Variants in NDUFA10 observed in about 807,000 individuals in gnomAD.
The protein encoded by NDUFA10 is NADH:ubiquinone oxidoreductase subunit A10.
A neutral mutation model predicts 47.8 loss-of-function variants in NDUFA10; 40 were observed. The observed-to-expected ratio is 0.84, with a 90% CI of 0.65 to 1.09. The LOEUF (loss-of-function observed/expected upper bound fraction) is 1.09. Among genes scored for constraint, NDUFA10 ranks in the 50% least tolerant of loss-of-function variants. NDUFA10 has a pLI of 0.00. For synonymous variants in NDUFA10, 183 were observed against 172.2 expected, an observed-to-expected ratio of 1.06 and a Z score of -0.49; for missense variants, 413 against 451.1, an observed-to-expected ratio of 0.92 and a Z score of 0.76.
chr2:240,000,566 C>G (rs1187859670), intron 8 of NDUFA10, among the ~76,000 whole-genome samples: 2 of 152,048 alleles, frequency 1.3e-5, no homozygotes, highest in African/African-American at 4.8e-5. Flanking sequence ...TTTAGTGTAG[C>G]CTAATTGTAC....
chr2:240,005,141 C>A, intron 8 of NDUFA10, 69 bp downstream of exon 8: 1 of 1,358,272 alleles, frequency 7.4e-7, no homozygotes, highest in Non-Finnish European at 1.1e-6. Flanking sequence ...TTATTTCAAA[C>A]TTCCCTAAGT....
Position 239,919,046 on chromosome 2 carries a change from G to T in NDUFA10, c.295-23732C>A, listed in dbSNP as rs78244357. Among the ~76,000 whole-genome samples, 953 of 152,336 alleles carry T rather than the reference G, an allele frequency of 6.3e-3. 18 individuals carry two copies. Among genetic ancestry groups the T allele is most frequent in the African/African-American group, 0.021 (891 of 41,566 alleles). On this transcript the variant is annotated intron_variant, in intron 4 of 5. Transcript: ENST00000419408. ...ACAAGATCTGAAGACAGCAGGGATG[G>T]GAGGTGGCACTTGTCTCTCCAGGTC...
chr2:239,893,677 ACCT>A (rs540683425), intron 5 of NDUFA10, among the ~76,000 whole-genome samples: 195 of 152,198 alleles, frequency 1.3e-3, no homozygotes, highest in Non-Finnish European at 1.9e-3. Context: ...GGACCTGATC[ACCT>A]CCTAAAGGCC....
chr2:239,985,529 G>T (rs1462084822), intron 9 of NDUFA10, among the ~76,000 whole-genome samples: 1 of 151,612 alleles, frequency 6.6e-6, no homozygotes, highest in East Asian at 1.9e-4. Flanking sequence ...GAAGAATATG[G>T]TGCATGGTGA....
chr2:239,971,075 C>T (rs1459895139), intron 9 of NDUFA10, among the ~76,000 whole-genome samples: 1 of 152,226 alleles, frequency 6.6e-6, no homozygotes, highest in Non-Finnish European at 1.5e-5. Context: ...CCTACTACTG[C>T]TCTAGGCAGT....
At chr2:239,980,819 A>G (rs1695743905) in intron 9 of NDUFA10, among the ~76,000 whole-genome samples, 1 of 152,204 alleles carries the variant, frequency 6.6e-6, no homozygotes, top group Admixed American at 6.5e-5. Flanking sequence ...AGAGAGCCAC[A>G]AGACACGGCC....
intron 9 of NDUFA10, among the ~76,000 whole-genome samples, chr2:239,964,671 G>A (rs56780904): frequency 0.12 from 17,980 of 152,220 alleles, 1,244 homozygotes; most frequent in South Asian, 0.15. Flanking sequence ...CCAGAGAGCT[G>A]TGAAAGCAGC....
At position 240,016,092 on chromosome 2, in the gene NDUFA10, C is replaced by T. The variant is rs188354546; in HGVS notation, c.548-1232G>A. On this transcript the variant is annotated intron_variant, in intron 4 of 9. Coordinates refer to ENST00000252711, the MANE Select transcript of NDUFA10 (RefSeq NM_004544.4). The surrounding 1 kb of genome is among the most constrained non-coding windows in gnomAD (Gnocchi z 4.4). ...AAAAAAAAAAGTTCCAGTGAGCATT[C>T]CTAGTAACCTCACTCTAGAGGCAAC... is the stretch of plus-strand genomic sequence containing the variant. Among the ~76,000 whole-genome samples, 6 of 152,288 alleles carry T rather than the reference C, an allele frequency of 3.9e-5. No homozygotes were observed. In the East Asian group the frequency reaches 1.2e-3, roughly 29 times the overall value.
At chr2:240,001,712 C>T (rs1327904520) in intron 8 of NDUFA10, among the ~76,000 whole-genome samples, 1 of 152,240 alleles carries the variant, frequency 6.6e-6, no homozygotes, top group Non-Finnish European at 1.5e-5. Context: ...TAAAATTACT[C>T]GGAATAAACC....
chr2:239,901,136 C>A (rs1052352389), intron 4 of NDUFA10, among the ~76,000 whole-genome samples: 4 of 152,158 alleles, frequency 2.6e-5, no homozygotes, highest in African/African-American at 4.8e-5. Context: ...CAAACTGAAG[C>A]CAACACTCTT....
At chr2:239,954,785 G>A (rs780064096), downstream of NDUFA10, among the ~76,000 whole-genome samples, 83 of 146,924 alleles carry the variant, frequency 5.6e-4, no homozygotes, top group Non-Finnish European at 9.2e-4. Context: ...GATAGAGCCC[G>A]ACCAATACCA....
At chr2:239,979,776 C>T (rs1210639668) in intron 9 of NDUFA10, among the ~76,000 whole-genome samples, 4 of 152,140 alleles carry the variant, frequency 2.6e-5, no homozygotes, top group South Asian at 2.1e-4. Flanking sequence ...GGCGCACCAA[C>T]GCCACCACCT....
chr2:239,966,612 G>T (rs1228107724), intron 9 of NDUFA10, among the ~76,000 whole-genome samples: 1 of 152,124 alleles, frequency 6.6e-6, no homozygotes, highest in African/African-American at 2.4e-5. Flanking sequence ...AAATATCTGT[G>T]TGCAAATCTG....
chr2:239,918,923 C>G (rs1382830504), intron 4 of NDUFA10, among the ~76,000 whole-genome samples: 1 of 152,346 alleles, frequency 6.6e-6, no homozygotes, highest in East Asian at 1.9e-4. Flanking sequence ...TCCTGCTCGT[C>G]CAGTGTCCAT....
At chr2:239,918,921 G>C (rs149205485) in intron 4 of NDUFA10, among the ~76,000 whole-genome samples, 14 of 152,268 alleles carry the variant, frequency 9.2e-5, no homozygotes, top group African/African-American at 3.1e-4. Context: ...CCTCCTGCTC[G>C]TCCAGTGTCC....
At chr2:240,023,759 A>G (rs772051881) in intron 1 of NDUFA10, among the ~76,000 whole-genome samples, 1 of 152,266 alleles carries the variant, frequency 6.6e-6, no homozygotes, top group Non-Finnish European at 1.5e-5. Flanking sequence ...TCTTGATTTG[A>G]TAACTGAAGA....
intron 4 of NDUFA10, among the ~76,000 whole-genome samples, chr2:239,923,114 A>G (rs1694015629): frequency 6.6e-6 from 1 of 152,260 alleles, no homozygotes; most frequent in Non-Finnish European, 1.5e-5. Context: ...TCAATATGCA[A>G]GAAGACACAG....
intron 9 of NDUFA10, among the ~76,000 whole-genome samples, chr2:239,961,798 G>A (rs1694862744): frequency 1.3e-5 from 2 of 152,364 alleles, no homozygotes; most frequent in East Asian, 1.9e-4. Context: ...GAACATCCAG[G>A]AGCGACAGGA....
intron 4 of NDUFA10, among the ~76,000 whole-genome samples, chr2:239,925,133 A>G (rs1694046433): frequency 6.6e-6 from 1 of 152,224 alleles, no homozygotes; most frequent in Non-Finnish European, 1.5e-5. Context: ...CTATAGTCTT[A>G]GTGTAGTTCT....
Sources: gnomAD v4.1 joint callset for allele counts (sites outside exome capture counted in the v4.1 genomes callset) on GRCh38, gnomAD v4.1.1 for gene constraint, Gnocchi (gnomAD v3.1) non-coding constraint, MANE v1.5 for transcripts, NCBI Gene and HGNC (gene_info 2026-07-23, HGNC 2026-07-21) for gene names.